LRRFIP2: variants seen among roughly 807,000 people sequenced by gnomAD.
The protein encoded by LRRFIP2 is leucine-rich repeat flightless-interacting protein 2.
In LRRFIP2, 109 loss-of-function variants were observed where a neutral mutation model predicts 125.9. That is an observed-to-expected ratio of 0.87 (90% CI 0.74 to 1.01). The LOEUF (loss-of-function observed/expected upper bound fraction) is 1.01, where lower values mean the gene tolerates loss of function less well. Among genes scored for constraint, LRRFIP2 ranks in the 50% least tolerant of loss-of-function variants. LRRFIP2 has a pLI of 0.00. For missense variants in LRRFIP2, 850 were observed against 862.3 expected (o/e 0.99, Z 0.18); for synonymous variants, 291 against 293.1 (o/e 0.99, Z 0.07).
At chr3:37,168,803 A>G (rs1001394572) in intron 1 of LRRFIP2, among the ~76,000 whole-genome samples, 1 of 152,154 alleles carries the variant, frequency 6.6e-6, no homozygotes, top group Non-Finnish European at 1.5e-5. Context: ...GGGCCTCACT[A>G]TGTTGCCCAG....
At chr3:37,165,845 G>GAA (rs750322162) in intron 1 of LRRFIP2, among the ~76,000 whole-genome samples, 40 of 145,416 alleles carry the variant, frequency 2.8e-4, no homozygotes, top group African/African-American at 9.3e-4. Context: ...AAGAAAGAAA[G>GAA]AAAGAAAGAA....
intron 15 of LRRFIP2, among the ~76,000 whole-genome samples, chr3:37,101,556 T>A (rs2094047590): frequency 6.6e-6 from 1 of 151,526 alleles, no homozygotes; most frequent in South Asian, 2.1e-4. Flanking sequence ...TCCCAGCTAC[T>A]TGGGAGGTTG....
intron 20 of LRRFIP2, among the ~76,000 whole-genome samples, chr3:37,073,705 A>AATG (rs1278295176): frequency 9.2e-5 from 14 of 152,208 alleles, no homozygotes; most frequent in South Asian, 2.1e-4. Flanking sequence ...TAAGCTTTTA[A>AATG]AGAAGCCACA....
chr3:37,058,841 C>G lies in LRRFIP2; in HGVS notation c.1819G>C (p.Asp607His), dbSNP rs746909187. 1 of 1,613,982 alleles carries G rather than the reference C, an allele frequency of 6.2e-7. No individual in the cohort carries two copies. The highest frequency in any genetic ancestry group is 1.3e-5 in the African/African-American group (1 of 74,902). ...GAGCCATTCTGCAGTCCTGCCAGGT[C>G]ACCCACTGTGCCATCATTCCTGGAG... is the stretch of plus-strand genomic sequence containing the variant. ...KCSRNDGTVGDLAGLQNGSDL... is the reference protein window; with the variant it reads ...KCSRNDGTVGHLAGLQNGSDL... Residue 607 changes from aspartate (D) to histidine (H), a missense_variant, in exon 25 of 28, where the codon GAC (aspartate) becomes CAC (histidine). Asp to His is a moderately conservative substitution (Grantham distance 81). Transcript: ENST00000336686.
chr3:37,082,789 G>A (rs1184671213), intron 19 of LRRFIP2, among the ~76,000 whole-genome samples: 1 of 152,138 alleles, frequency 6.6e-6, no homozygotes, highest in African/African-American at 2.4e-5. Flanking sequence ...CTCAAGGAAA[G>A]AAATTCCTAT....
Position 37,109,667 on chromosome 3 carries a change from A to G in LRRFIP2, c.550T>C (p.Tyr184His), listed in dbSNP as rs1322875701. The G allele has an allele frequency of 1.9e-6, 3 of 1,614,076 alleles. No homozygotes were observed. Among genetic ancestry groups the G allele is most frequent in the African/African-American group, 2.7e-5 (2 of 75,062 alleles). The change falls in exon 10 of 28, where the codon TAT becomes CAT. Residue 184 changes from tyrosine (Y) to histidine (H), a missense_variant. Transcript: ENST00000336686. Reference sequence around the variant, plus strand: ...AAAGTACTAACCCTGTCACTCTTATATGTTGCCAGAGGGTCACTGTACAGG... The same window carrying G: ...AAAGTACTAACCCTGTCACTCTTATGTGTTGCCAGAGGGTCACTGTACAGG... ...SSLYSDPLAT[Y>H]KSDRASPTAN...
chr3:37,143,298 T>C (rs1560046692), intron 2 of LRRFIP2, among the ~76,000 whole-genome samples: 1 of 152,268 alleles, frequency 6.6e-6, no homozygotes, highest in South Asian at 2.1e-4. Context: ...GCTGTCTTTA[T>C]GTTGAATTCT....
At position 37,121,708 on chromosome 3, in the gene LRRFIP2, T is replaced by C; in HGVS notation, c.229-17A>G. 6.2e-7 allele frequency: 1 copy of C among 1,612,698 alleles called. No individual in the cohort carries two copies. On this transcript the variant is annotated splice_polypyrimidine_tract_variant and intron_variant, in intron 4 of 27. Transcript: ENST00000336686. ...CGAATCTTCCTGGGAAAGGAGAAAGTACATGGAGAGTTAATCACTGAATAG... is the reference window on the plus strand; with the variant it reads ...CGAATCTTCCTGGGAAAGGAGAAAGCACATGGAGAGTTAATCACTGAATAG...
intron 1 of LRRFIP2, among the ~76,000 whole-genome samples, chr3:37,167,690 A>C (rs1021895046): frequency 2.7e-5 from 4 of 149,236 alleles, no homozygotes; most frequent in Non-Finnish European, 3.0e-5. Flanking sequence ...AAAGAAAAAA[A>C]AAAGAAAACG....
intron 11 of LRRFIP2, among the ~76,000 whole-genome samples, chr3:37,109,065 T>C (rs2094454824): frequency 1.3e-5 from 2 of 152,186 alleles, no homozygotes; most frequent in South Asian, 4.1e-4. Context: ...CCCAGTCCAC[T>C]AGAACAGGCC....
intron 23 of LRRFIP2, 142 bp downstream of exon 23, chr3:37,065,668 A>AATGTGCCC (rs1210150040): frequency 2.0e-6 from 2 of 1,004,184 alleles, no homozygotes; most frequent in Non-Finnish European, 3.1e-6. Flanking sequence ...ACAATGTGCC[A>AATGTGCCC]ATGTGCCCAG....
chr3:37,062,420 G>A (rs1423666520), intron 24 of LRRFIP2, among the ~76,000 whole-genome samples: 1 of 152,118 alleles, frequency 6.6e-6, no homozygotes, highest in African/African-American at 2.4e-5. Context: ...AAAAAAATCA[G>A]TAACAAAATC....
intron 1 of LRRFIP2, among the ~76,000 whole-genome samples, chr3:37,160,657 T>C (rs752558760): frequency 2.6e-5 from 4 of 151,840 alleles, no homozygotes; most frequent in Non-Finnish European, 5.9e-5. Flanking sequence ...TACATGCCTG[T>C]AATCCCAGCT....
chr3:37,059,923 T>G (rs1372079623), intron 24 of LRRFIP2, among the ~76,000 whole-genome samples: 2 of 152,034 alleles, frequency 1.3e-5, no homozygotes, highest in Non-Finnish European at 2.9e-5. Flanking sequence ...GGGAAAAGGG[T>G]AAGCTCTATA....
chr3:37,096,482 T>C (rs2093724787), intron 16 of LRRFIP2, 134 bp downstream of exon 16: 3 of 625,606 alleles, frequency 4.8e-6, no homozygotes, highest in African/African-American at 2.0e-5. Flanking sequence ...TTTTGGAGGG[T>C]CAAGGACAGG....
In LRRFIP2 at chr3:37,081,660, G is replaced by A. The variant is rs143886368; in HGVS notation, c.1278+1976C>T. ...GCACTGTGGGAAGCTGAGGTGGGTGGATTGCTTGAGCCCAGGAGTTCGAGA... is the reference window on the plus strand; with the variant it reads ...GCACTGTGGGAAGCTGAGGTGGGTGAATTGCTTGAGCCCAGGAGTTCGAGA... On this transcript the variant is annotated intron_variant, in intron 19 of 27. Transcript: ENST00000336686. Among the ~76,000 whole-genome samples the A allele has an allele frequency of 6.4e-3, 974 of 152,142 alleles. 9 individuals are homozygous for A. Among genetic ancestry groups the A allele is most frequent in the African/African-American group, 0.022 (922 of 41,512 alleles).
chr3:37,109,475 C>T (rs1043221570), intron 11 of LRRFIP2, 52 bp downstream of exon 11: 18 of 1,588,974 alleles, frequency 1.1e-5, no homozygotes, highest in Non-Finnish European at 1.6e-5. Context: ...GAGTTAGCAC[C>T]ATGACATTGA....
intron 6 of LRRFIP2, among the ~76,000 whole-genome samples, chr3:37,118,668 A>G (rs1340000035): frequency 6.6e-6 from 1 of 152,220 alleles, no homozygotes; most frequent in African/African-American, 2.4e-5. Flanking sequence ...TTTCAAAAAG[A>G]TAGTATATGA....
chr3:37,119,617 A>G (rs749258316), intron 6 of LRRFIP2, among the ~76,000 whole-genome samples: 4 of 152,200 alleles, frequency 2.6e-5, no homozygotes, highest in East Asian at 1.9e-4. Context: ...TTAACTTTAA[A>G]GCTTTTATTG....
Sources: gnomAD v4.1 joint callset for allele counts (sites outside exome capture counted in the v4.1 genomes callset) on GRCh38, gnomAD v4.1.1 for gene constraint, MANE v1.5 for transcripts, NCBI Gene and HGNC (gene_info 2026-07-23, HGNC 2026-07-21) for gene names.